Variants in KLHL14 observed in about 807,000 individuals in gnomAD.
The protein encoded by KLHL14 is kelch-like protein 14.
A neutral mutation model predicts 64.3 loss-of-function variants in KLHL14; 22 were observed. The observed-to-expected ratio is 0.34, with a 90% CI of 0.24 to 0.49. The LOEUF is 0.49. KLHL14 is among the 20% of genes least tolerant of loss of function. The probability of loss-of-function intolerance (pLI) is 0.99; values close to 1 mark genes in which losing one functional copy is unlikely to be tolerated. For synonymous variants in KLHL14, 322 were observed against 333.4 expected (o/e 0.97, Z 0.37); for missense variants, 661 against 789.0 (o/e 0.84, Z 1.94).
At position 32,687,253 on chromosome 18, in the gene KLHL14, A is replaced by G. The variant is rs752895116; in HGVS notation, c.1160-20T>C. ...GTTTTCCTGTAAAAATGCATTCGAG[A>G]CATTTAAAACTTAGATTCTTTTGTT... is the stretch of plus-strand genomic sequence containing the variant. On this transcript the variant is annotated intron_variant, in intron 4 of 8. Coordinates refer to ENST00000359358, the MANE Select transcript of KLHL14 (RefSeq NM_020805.3). 1.3e-6 allele frequency: 2 copies of G among 1,581,532 alleles called. No individual in the cohort carries two copies. The highest frequency in any genetic ancestry group is 1.1e-5 in the South Asian group (1 of 90,434).
At chr18:32,678,797 C>G (rs1009441257) in intron 7 of KLHL14, among the ~76,000 whole-genome samples, 1 of 152,152 alleles carries the variant, frequency 6.6e-6, no homozygotes, top group African/African-American at 2.4e-5. Flanking sequence ...ATCCTCTCCT[C>G]ACCATGATGC....
intron 2 of KLHL14, among the ~76,000 whole-genome samples, chr18:32,757,599 T>A (rs2050288492): frequency 6.6e-6 from 1 of 152,134 alleles, no homozygotes; most frequent in African/African-American, 2.4e-5. Context: ...TTCACCTTAT[T>A]TCCTAAAATA....
Position 32,768,390 on chromosome 18 carries a change from GACACACAC to G in KLHL14, c.947+1247_947+1254del, listed in dbSNP as rs10567081. 2.9e-3 allele frequency among the ~76,000 whole-genome samples: 410 copies of G among 141,652 alleles called. 2 individuals are homozygous for G. Among genetic ancestry groups the G allele is most frequent in the South Asian group, 7.7e-3 (32 of 4,148 alleles). The allele number at this position is 141,652 out of a possible 152,430, so 92.9% of individuals were successfully genotyped here. A position where few individuals can be genotyped will look rare whatever the true frequency, so the allele number is the denominator to read the frequency against. On this transcript the variant is annotated intron_variant, in intron 2 of 8. Coordinates refer to ENST00000359358, the MANE Select transcript of KLHL14 (RefSeq NM_020805.3). The stretch of plus-strand genomic sequence containing the variant: ...TACCTAGGTCTGGTGGAAACATAAT[GACACACAC>G]ACACACACACACACACACACACACA...
At position 32,680,576 on chromosome 18, in the gene KLHL14, C is replaced by A. The variant is rs201116188; in HGVS notation, c.1262G>T (p.Arg421Leu). The change falls in exon 6 of 9, where the codon CGG (arginine) becomes CTG (leucine). Residue 421 changes from arginine (R) to leucine (L), a missense_variant. Arg to Leu is a moderately radical substitution (Grantham distance 102, BLOSUM62 -2). This residue lies in a region of KLHL14 where 330 missense variants were observed against 450.0 expected (regional missense o/e 0.73). Transcript: ENST00000359358. This position sits in a 1 kb window ranked among gnomAD's most constrained non-coding sequence, Gnocchi z 4.8. ...QERRASFYAC[R>L]LDKHLYVIGG... ...AATTACGTATAAATGCTTGTCCAACCGACATGCATAGAAACTGGCTCTTCT... is the reference window on the plus strand; with the variant it reads ...AATTACGTATAAATGCTTGTCCAACAGACATGCATAGAAACTGGCTCTTCT... The A allele has an allele frequency of 6.2e-7, 1 of 1,612,054 alleles. No individual in the cohort carries two copies. The highest frequency in any genetic ancestry group is 1.7e-5 in the Admixed American group (1 of 59,664).
At chr18:32,718,673 A>G (rs1244921009) in intron 3 of KLHL14, among the ~76,000 whole-genome samples, 1 of 152,206 alleles carries the variant, frequency 6.6e-6, no homozygotes, top group African/African-American at 2.4e-5. Context: ...ATTGTAATTT[A>G]AGGGTTTCTT....
intron 2 of KLHL14, among the ~76,000 whole-genome samples, chr18:32,760,657 T>A (rs1192946995): frequency 6.6e-6 from 1 of 152,102 alleles, no homozygotes; most frequent in Non-Finnish European, 1.5e-5. Flanking sequence ...TACCAACCCC[T>A]CACAGGCGCT....
At chr18:32,679,933 T>C (rs1426088030) in intron 7 of KLHL14, among the ~76,000 whole-genome samples, 1 of 152,190 alleles carries the variant, frequency 6.6e-6, no homozygotes, top group East Asian at 1.9e-4. Flanking sequence ...TTATTTTCTG[T>C]AGACATCATT....
Position 32,683,535 on chromosome 18 carries a change from A to G in KLHL14, c.1239-2936T>C, listed in dbSNP as rs185252993. 5.9e-5 allele frequency among the ~76,000 whole-genome samples: 9 copies of G among 152,172 alleles called. No individual in the cohort carries two copies. Among genetic ancestry groups the G allele is most frequent in the Admixed American group, 5.9e-4 (9 of 15,278 alleles). ...ATGAAGAACATATAAGGTTCAGGCTATTTTATTTTGGGGGGAAAGTAAGTT... is the reference window on the plus strand; with the variant it reads ...ATGAAGAACATATAAGGTTCAGGCTGTTTTATTTTGGGGGGAAAGTAAGTT... On this transcript the variant is annotated intron_variant, in intron 5 of 8. Transcript: ENST00000359358. The surrounding 1 kb of genome is among the most constrained non-coding windows in gnomAD (Gnocchi z 4.2).
chr18:32,695,619 C>T, intron 3 of KLHL14, 67 bp from the exon 4 acceptor site: 1 of 985,108 alleles, frequency 1.0e-6, no homozygotes, highest in Non-Finnish European at 1.6e-6. Context: ...CCTTGGCTCA[C>T]TGGCTATTTG....
At chr18:32,755,609 G>T (rs1194157603) in intron 2 of KLHL14, among the ~76,000 whole-genome samples, 2 of 151,858 alleles carry the variant, frequency 1.3e-5, no homozygotes, top group Non-Finnish European at 2.9e-5. Flanking sequence ...TAGACATGTA[G>T]CAAATTCAAA....
At chr18:32,716,644 C>T (rs768996087) in intron 3 of KLHL14, among the ~76,000 whole-genome samples, 1 of 152,128 alleles carries the variant, frequency 6.6e-6, no homozygotes, top group Non-Finnish European at 1.5e-5. Flanking sequence ...GTCTCAAACT[C>T]CTGACCTCAG....
At chr18:32,731,171 T>C (rs1192957147) in intron 3 of KLHL14, among the ~76,000 whole-genome samples, 2 of 152,228 alleles carry the variant, frequency 1.3e-5, no homozygotes, top group Non-Finnish European at 2.9e-5. Flanking sequence ...ATTCCTAAAA[T>C]GTAGGTTTAG....
chr18:32,763,374 T>G (rs1282889830), intron 2 of KLHL14, among the ~76,000 whole-genome samples: 1 of 152,142 alleles, frequency 6.6e-6, no homozygotes, highest in Non-Finnish European at 1.5e-5. Flanking sequence ...TTTTAATGAC[T>G]TTTGTGGTGT....
chr18:32,679,073 A>C (rs1255491062), intron 7 of KLHL14, among the ~76,000 whole-genome samples: 1 of 152,204 alleles, frequency 6.6e-6, no homozygotes, highest in African/African-American at 2.4e-5. Flanking sequence ...AAAGGTAAGC[A>C]TCACAGTAGT....
At chr18:32,691,450 G>T (rs1156546631) in intron 4 of KLHL14, among the ~76,000 whole-genome samples, 1 of 152,134 alleles carries the variant, frequency 6.6e-6, no homozygotes, top group Non-Finnish European at 1.5e-5. Context: ...AGGCTAAGGT[G>T]ACAGGATTGC....
intron 2 of KLHL14, among the ~76,000 whole-genome samples, chr18:32,766,420 T>C (rs2050345410): frequency 6.6e-6 from 1 of 152,088 alleles, no homozygotes; most frequent in African/African-American, 2.4e-5. Context: ...ATGTTAATAT[T>C]GACTTGTAGA....
Position 32,673,401 on chromosome 18 carries a change from C to A in KLHL14, c.*1256G>T, listed in dbSNP as rs2049795238. 6.6e-6 allele frequency: 1 copy of A among 152,170 alleles called. No homozygotes were observed. The allele number at this position is 152,170 out of a possible 1,614,324, so 9.4% of individuals were successfully genotyped here. On this transcript the variant is annotated 3_prime_UTR_variant, in exon 9 of 9. Coordinates refer to ENST00000359358, the MANE Select transcript of KLHL14 (RefSeq NM_020805.3). ...CTGGAGGGCTTGAAAATCGAATGTG[C>A]ATTCCTGTCAGTTTTGTCCTTTTGG...
chr18:32,684,900 G>A (rs1289377093), intron 5 of KLHL14, among the ~76,000 whole-genome samples: 1 of 152,078 alleles, frequency 6.6e-6, no homozygotes, highest in African/African-American at 2.4e-5. Context: ...TTCATTTTAA[G>A]TTATGGATTG....
chr18:32,716,370 A>G (rs1399316603), intron 3 of KLHL14, among the ~76,000 whole-genome samples: 1 of 152,160 alleles, frequency 6.6e-6, no homozygotes. Flanking sequence ...AGAGAACAGA[A>G]TGATGAAAGT....
Sources: allele counts gnomAD v4.1 joint callset (sites outside exome capture counted in the v4.1 genomes callset), GRCh38; gene constraint gnomAD v4.1.1; regional missense constraint gnomAD v4.1.1; non-coding constraint Gnocchi (gnomAD v3.1); transcripts MANE v1.5; gene names NCBI Gene and HGNC (gene_info 2026-07-23, HGNC 2026-07-21).